The following CNIH3 variants were observed in gnomAD, a reference collection of about 807,000 sequenced individuals.
The protein encoded by CNIH3 is cornichon family AMPA receptor auxiliary protein 3, also known as protein cornichon homolog 3.
Under a neutral mutation model 24.1 loss-of-function variants are expected in CNIH3, and 14 were observed. The ratio of observed to expected loss-of-function variants is 0.58; its 90% CI spans 0.38 to 0.91. The LOEUF (loss-of-function observed/expected upper bound fraction) is 0.91, where lower values mean the gene tolerates loss of function less well. Ranked by LOEUF, CNIH3 falls within the 40% of genes least tolerant of loss-of-function variation. The pLI is 0.00. For synonymous variants in CNIH3, 68 were observed against 73.8 expected (o/e 0.92, Z 0.40); for missense variants, 178 against 196.8 (o/e 0.90, Z 0.57).
chr1:224,625,953 T>A (rs922188114), intron 1 of CNIH3, among the ~76,000 whole-genome samples: 2 of 151,880 alleles, frequency 1.3e-5, no homozygotes, highest in Non-Finnish European at 2.9e-5. Flanking sequence ...TTTTTTTTAA[T>A]CATAGATTGT....
chr1:224,629,477 A>G (rs1683710556), intron 1 of CNIH3, among the ~76,000 whole-genome samples: 1 of 152,142 alleles, frequency 6.6e-6, no homozygotes, highest in Non-Finnish European at 1.5e-5. Context: ...CAAATATTTT[A>G]CAGAGTTTGA....
At chr1:224,695,418 G>A (rs1572739859) in intron 3 of CNIH3, among the ~76,000 whole-genome samples, 2 of 151,614 alleles carry the variant, frequency 1.3e-5, no homozygotes, top group African/African-American at 4.9e-5. Context: ...TGTTTTACTG[G>A]AGAGCCCTAA....
At chr1:224,663,497 A>G (rs1685457328) in intron 1 of CNIH3, among the ~76,000 whole-genome samples, 1 of 152,162 alleles carries the variant, frequency 6.6e-6, no homozygotes, top group African/African-American at 2.4e-5. Flanking sequence ...AAATTTCTTC[A>G]GAATTCCCAA....
chr1:224,452,235 C>T (rs1224138332), intron 1 of CNIH3, among the ~76,000 whole-genome samples: 5 of 150,052 alleles, frequency 3.3e-5, no homozygotes, highest in Non-Finnish European at 5.9e-5. Context: ...CTGCAACCTT[C>T]GCCTCCCGGG....
At chr1:224,518,693 T>G (rs942544224) in intron 1 of CNIH3, among the ~76,000 whole-genome samples, 2 of 152,186 alleles carry the variant, frequency 1.3e-5, no homozygotes, top group Non-Finnish European at 2.9e-5. Context: ...ATTCAGTCAC[T>G]GTGACAACCT....
intron 2 of CNIH3, among the ~76,000 whole-genome samples, chr1:224,522,975 C>T (rs1460190036): frequency 6.6e-6 from 1 of 152,150 alleles, no homozygotes; most frequent in African/African-American, 2.4e-5. Flanking sequence ...GGCTCAAGCC[C>T]TTAAGCCCAG....
intron 1 of CNIH3, among the ~76,000 whole-genome samples, chr1:224,457,269 CTCTCTCTGTGTGTGTGTGTG>C (rs1447010920): frequency 1.9e-5 from 2 of 104,628 alleles, no homozygotes; most frequent in African/African-American, 4.6e-5. Flanking sequence ...GCCCTCCTCT[CTCTCTCTGTGTGTGTGTGTG>C]TGTGTGTGTG....
At chr1:224,495,991 A>G (rs1232843428) in intron 1 of CNIH3, among the ~76,000 whole-genome samples, 5 of 152,160 alleles carry the variant, frequency 3.3e-5, no homozygotes, top group Middle Eastern at 3.2e-3. Context: ...CTAAGCAGTA[A>G]GATATGCTCT....
intron 1 of CNIH3, among the ~76,000 whole-genome samples, chr1:224,447,001 G>A (rs952223164): frequency 1.8e-4 from 28 of 152,146 alleles, no homozygotes; most frequent in Admixed American, 1.8e-3. Flanking sequence ...TAAGAAGGGA[G>A]GGCTGCAAGT....
At chr1:224,453,442 C>T (rs1314581189) in intron 1 of CNIH3, among the ~76,000 whole-genome samples, 1 of 151,972 alleles carries the variant, frequency 6.6e-6, no homozygotes, top group Non-Finnish European at 1.5e-5. Flanking sequence ...CCCACTTTGG[C>T]CTCCCAAAGT....
intron 1 of CNIH3, among the ~76,000 whole-genome samples, chr1:224,456,859 G>C (rs1448833979): frequency 1.3e-5 from 2 of 152,232 alleles, no homozygotes; most frequent in Non-Finnish European, 2.9e-5. Flanking sequence ...GCCAGTGCAG[G>C]TATCAGTGAT....
At chr1:224,613,916 T>C (rs1476034580), upstream of CNIH3, among the ~76,000 whole-genome samples, 1 of 151,942 alleles carries the variant, frequency 6.6e-6, no homozygotes, top group African/African-American at 2.4e-5. Context: ...TCTGGCTCTA[T>C]TGCCTAGGCT....
chr1:224,468,314 C>T (rs1676230706), intron 1 of CNIH3, among the ~76,000 whole-genome samples: 1 of 44,246 alleles, frequency 2.3e-5, no homozygotes, highest in South Asian at 7.5e-4. Flanking sequence ...GTCATAAACA[C>T]AGTATTTCTA....
rs759288146 is a variant in CNIH3 at position 224,625,808 on chromosome 1, AC to A, written c.81+8556del. Among the ~76,000 whole-genome samples, 74 of 152,306 alleles carry A rather than the reference AC, an allele frequency of 4.9e-4. 1 individual carries two copies. The Middle Eastern group carries it at 0.01, about 21-fold the overall frequency. ...GTCAGATGGTGACTGTAGCCCAGCA[AC>A]CCATGTCTATGCCCAAAAGCAGAGG... On this transcript the variant is annotated intron_variant, in intron 1 of 5. Coordinates refer to ENST00000272133, the MANE Select transcript of CNIH3 (RefSeq NM_152495.2).
At chr1:224,513,364 G>GT (rs1491557555), upstream of CNIH3, among the ~76,000 whole-genome samples, 5 of 48,014 alleles carry the variant, frequency 1.0e-4, 1 homozygote, top group Admixed American at 1.1e-3. Flanking sequence ...GGGGGTGGGA[G>GT]GGGGGGGGTC....
intron 4 of CNIH3, among the ~76,000 whole-genome samples, chr1:224,578,767 T>A (rs1345232321): frequency 6.6e-6 from 1 of 152,242 alleles, no homozygotes; most frequent in Non-Finnish European, 1.5e-5. Flanking sequence ...GCTAATTCAA[T>A]GTCTTTCTGA....
chr1:224,503,060 T>G (rs1393268246), intron 1 of CNIH3, among the ~76,000 whole-genome samples: 897 of 80,924 alleles, frequency 0.011, no homozygotes, highest in African/African-American at 0.015. Flanking sequence ...GGGAGGGAGG[T>G]GGGGGCAGGG....
intron 1 of CNIH3, among the ~76,000 whole-genome samples, chr1:224,674,250 C>T (rs1049186593): frequency 1.9e-5 from 2 of 106,944 alleles, no homozygotes; most frequent in Admixed American, 1.0e-4. Flanking sequence ...ACATTTCAAT[C>T]GTTTCTTCAT....
At chr1:224,680,222 A>G (rs1485612085) in intron 1 of CNIH3, among the ~76,000 whole-genome samples, 1 of 152,236 alleles carries the variant, frequency 6.6e-6, no homozygotes, top group East Asian at 1.9e-4. Flanking sequence ...CAGACAAGGT[A>G]GCTGTGGTGA....
Sources: gnomAD v4.1 joint callset for allele counts (sites outside exome capture counted in the v4.1 genomes callset) on GRCh38, gnomAD v4.1.1 for gene constraint, MANE v1.5 for transcripts, NCBI Gene and HGNC (gene_info 2026-07-23, HGNC 2026-07-21) for gene names.